PPP6R2: variants seen among roughly 807,000 people sequenced by gnomAD.
The protein encoded by PPP6R2 is protein phosphatase 6 regulatory subunit 2.
PPP6R2 carries 62 observed loss-of-function variants against 100.2 expected under a neutral mutation model. The ratio of observed to expected loss-of-function variants is 0.62; its 90% CI spans 0.50 to 0.76. PPP6R2 has a LOEUF of 0.76. Ranked by LOEUF, PPP6R2 falls within the 30% of genes least tolerant of loss-of-function variation. The probability of loss-of-function intolerance (pLI) is 0.00; values close to 1 mark genes in which losing one functional copy is unlikely to be tolerated. For synonymous variants in PPP6R2, 525 were observed against 514.7 expected (o/e 1.02, Z -0.27); for missense variants, 1,142 against 1,276.3 (o/e 0.89, Z 1.60).
At chr22:50,351,033 T>TTTTG (rs1569254461) in intron 1 of PPP6R2, among the ~76,000 whole-genome samples, 11 of 115,048 alleles carry the variant, frequency 9.6e-5, no homozygotes, top group African/African-American at 3.3e-4. Context: ...AGTGTTTTTT[T>TTTTG]TTTTTTTTTT....
chr22:50,437,150 T>TG, intron 15 of PPP6R2, 82 bp downstream of exon 15: 1 of 1,293,496 alleles, frequency 7.7e-7, no homozygotes, highest in Non-Finnish European at 1.1e-6. Context: ...CAGACGAGTC[T>TG]GATGGCATCT....
intron 1 of PPP6R2, among the ~76,000 whole-genome samples, chr22:50,358,882 C>T (rs1291826611): frequency 1.3e-5 from 2 of 148,224 alleles, no homozygotes; most frequent in Non-Finnish European, 3.0e-5. Context: ...AGGCTTATTT[C>T]TGTTTTTTCT....
chr22:50,370,485 CACT>C (rs2049862814), intron 1 of PPP6R2, among the ~76,000 whole-genome samples: 3 of 151,442 alleles, frequency 2.0e-5, no homozygotes, highest in East Asian at 3.9e-4. Flanking sequence ...GATGGGGTTT[CACT>C]ATGTTGGCCA....
Position 50,423,599 on chromosome 22 carries a change from G to A in PPP6R2, c.1110G>A (p.Thr370=), listed in dbSNP as rs371852168. ...ACCAGGAGCTCTGCCGGCTCAACACGATGGACTTACTGCTGGTAAGTGGGC... is the reference window on the plus strand; with the variant it reads ...ACCAGGAGCTCTGCCGGCTCAACACAATGGACTTACTGCTGGTAAGTGGGC... ...SINQELCRLN[T]MDLLLDLFFK... Residue 370 remains threonine, a synonymous_variant, in exon 10 of 24, where the codon ACG becomes ACA. Coordinates refer to ENST00000612753, the MANE Select transcript of PPP6R2 (RefSeq NM_001242898.2). The surrounding 1 kb of genome is among the most constrained non-coding windows in gnomAD (Gnocchi z 4.8). 32 of 1,614,006 alleles carry A rather than the reference G, an allele frequency of 2.0e-5. No homozygotes were observed. Among genetic ancestry groups the A allele is most frequent in the Admixed American group, 6.7e-5 (4 of 59,998 alleles).
chr22:50,408,375 A>G (rs2059274092), intron 4 of PPP6R2, among the ~76,000 whole-genome samples: 2 of 152,180 alleles, frequency 1.3e-5, no homozygotes, highest in African/African-American at 2.4e-5. Flanking sequence ...CCTTGACGAC[A>G]TTCAGCATGC....
the PPP6R2 span, among the ~76,000 whole-genome samples, chr22:50,333,077 T>C: frequency 3.3e-5 from 5 of 152,172 alleles, no homozygotes; most frequent in African/African-American, 1.2e-4. Flanking sequence ...AGGTGGAGAC[T>C]GTAGTGAGCT....
At chr22:50,421,837 C>T (rs1232006120) in intron 8 of PPP6R2, among the ~76,000 whole-genome samples, 2 of 152,064 alleles carry the variant, frequency 1.3e-5, no homozygotes, top group African/African-American at 4.8e-5. Flanking sequence ...CATCGCACTC[C>T]AGCCTGGGTG....
chr22:50,381,596 T>C (rs183708973), intron 2 of PPP6R2, among the ~76,000 whole-genome samples: 195 of 152,278 alleles, frequency 1.3e-3, no homozygotes, highest in Non-Finnish European at 5.7e-4. Context: ...TTTTAATAAG[T>C]GCAGTTTACA....
Position 50,432,346 on chromosome 22 carries a change from C to G in PPP6R2, c.1400+17C>G. ...CCACACGCAGTAAGAGCCGCTCGGA[C>G]GTGGAGGGACCCAGCCTGGCCAGTC... On this transcript the variant is annotated intron_variant, in intron 12 of 23. Transcript: ENST00000612753. 1 of 1,546,792 alleles carries G rather than the reference C, an allele frequency of 6.5e-7. No individual in the cohort carries two copies. Among genetic ancestry groups the G allele is most frequent in the Non-Finnish European group, 8.7e-7 (1 of 1,145,056 alleles).
At chr22:50,369,802 G>A (rs1275542515) in intron 1 of PPP6R2, among the ~76,000 whole-genome samples, 1 of 150,196 alleles carries the variant, frequency 6.7e-6, no homozygotes, top group Non-Finnish European at 1.5e-5. Context: ...CACCGCGCCT[G>A]ACCTTTCACT....
chr22:50,431,348 C>T lies in PPP6R2; in HGVS notation c.1301C>T (p.Ala434Val). 1 of 1,612,896 alleles carries T rather than the reference C, an allele frequency of 6.2e-7. No homozygotes were observed. The highest frequency in any genetic ancestry group is 1.1e-5 in the South Asian group (1 of 91,076). The change falls in exon 11 of 24, where the codon GCC becomes GTC. Residue 434 changes from alanine (A) to valine (V), a missense_variant. This residue lies in a region of PPP6R2 where 592 missense variants were observed against 758.9 expected (regional missense o/e 0.78). Transcript: ENST00000612753. The surrounding 1 kb of genome is among the most constrained non-coding windows in gnomAD (Gnocchi z 4.8). ...GNRSLETPQP[A>V]ASLPDNTMVT... is the part of the protein sequence containing the mutation. Reference sequence around the variant, plus strand: ...CGGAGCCTGGAGACTCCCCAGCCGGCCGCCAGCCTCCCTGACAACACAATG... The same window carrying T: ...CGGAGCCTGGAGACTCCCCAGCCGGTCGCCAGCCTCCCTGACAACACAATG...
At chr22:50,355,967 C>CTTTT (rs138721205) in intron 1 of PPP6R2, among the ~76,000 whole-genome samples, 1 of 143,730 alleles carries the variant, frequency 7.0e-6, no homozygotes, top group Non-Finnish European at 1.5e-5. Flanking sequence ...GTATTTCCCT[C>CTTTT]TTTTTTTTTT....
At position 50,377,746 on chromosome 22, in the gene PPP6R2, C is replaced by T. The variant is rs368688410; in HGVS notation, c.-17+5596C>T. Among the ~76,000 whole-genome samples the T allele has an allele frequency of 9.9e-5, 15 of 152,276 alleles. No individual in the cohort carries two copies. The East Asian group carries it at 1.5e-3, about 16-fold the overall frequency. ...GATTTAGGCCAGGCGCGGTGGCTGA[C>T]GCCTGTAATCCCAGTACTTTGGGAG... On this transcript the variant is annotated intron_variant, in intron 2 of 23. Transcript: ENST00000612753.
rs1468065126 is a variant in PPP6R2, at chr22:50,355,232, T to TTC, written c.-148+11683_-148+11684insCT. 2.2e-3 allele frequency among the ~76,000 whole-genome samples: 240 copies of TTC among 111,362 alleles called. 1 individual carries two copies. Among genetic ancestry groups the TTC allele is most frequent in the Non-Finnish European group, 3.1e-3 (185 of 59,080 alleles). The allele number at this position is 111,362 out of a possible 152,430, so 73.1% of individuals were successfully genotyped here. A position where few individuals can be genotyped will look rare whatever the true frequency, so the allele number is the denominator to read the frequency against. On this transcript the variant is annotated intron_variant, in intron 1 of 23. Transcript: ENST00000612753. ...TCCACATACAGCAAGCAGCCTTCTT[T>TTC]TTTTTTTTTTTTTTTTCTTTTTTGA...
At position 50,444,725 on chromosome 22, in the gene PPP6R2, G is replaced by A. The variant is rs191750648; in HGVS notation, c.*478G>A. Reference sequence around the variant, plus strand: ...AGGGCAGAGTCAAGGGCCTGGGTTGGAAAAACCTGACTCACAGGAATGCAT... The same window carrying A: ...AGGGCAGAGTCAAGGGCCTGGGTTGAAAAAACCTGACTCACAGGAATGCAT... On this transcript the variant is annotated 3_prime_UTR_variant, in exon 24 of 24. Transcript: ENST00000612753. 4.0e-4 allele frequency: 69 copies of A among 172,960 alleles called. No homozygotes were observed. The highest frequency in any genetic ancestry group is 1.1e-3 in the South Asian group (8 of 7,344). 10.7% of individuals were successfully genotyped at this position (172,960 alleles called of 1,614,324 possible). A position where few individuals can be genotyped will look rare whatever the true frequency, so the allele number is the denominator to read the frequency against.
the PPP6R2 span, among the ~76,000 whole-genome samples, chr22:50,333,456 C>A: frequency 1.1e-4 from 16 of 151,986 alleles, no homozygotes; most frequent in African/African-American, 3.9e-4. Flanking sequence ...CCTGCCTCAG[C>A]CTCCTGAGTA....
At chr22:50,357,558 G>A (rs181821031) in intron 1 of PPP6R2, among the ~76,000 whole-genome samples, 70 of 151,400 alleles carry the variant, frequency 4.6e-4, no homozygotes, top group Admixed American at 1.6e-3. Context: ...CAGTAAATGT[G>A]ATCATAGCTC....
intron 1 of PPP6R2, among the ~76,000 whole-genome samples, chr22:50,355,229 CTTT>C (rs1221685126): frequency 3.1e-5 from 4 of 131,144 alleles, no homozygotes; most frequent in Admixed American, 2.4e-4. Flanking sequence ...AAGCAGCCTT[CTTT>C]TTTTTTTTTT....
chr22:50,351,351 A>T (rs1299609853), intron 1 of PPP6R2, among the ~76,000 whole-genome samples: 2 of 12,902 alleles, frequency 1.6e-4, no homozygotes, highest in African/African-American at 6.3e-4. Flanking sequence ...GATTTAGCAT[A>T]ATTCTTAAGG....
Sources: allele counts gnomAD v4.1 joint callset (sites outside exome capture counted in the v4.1 genomes callset), GRCh38; gene constraint gnomAD v4.1.1; regional missense constraint gnomAD v4.1.1; non-coding constraint Gnocchi (gnomAD v3.1); transcripts MANE v1.5; gene names NCBI Gene and HGNC (gene_info 2026-07-23, HGNC 2026-07-21).